Variants in SLC4A10 observed in about 807,000 individuals in gnomAD.
SLC4A10 encodes solute carrier family 4 member 10, also known as sodium-driven chloride bicarbonate exchanger.
SLC4A10 carries 42 observed loss-of-function variants against 137.7 expected under a neutral mutation model. The observed-to-expected ratio is 0.30, with a 90% CI of 0.24 to 0.39. The LOEUF is 0.39. Ranked by LOEUF, SLC4A10 falls within the 10% of genes least tolerant of loss-of-function variation. The probability of loss-of-function intolerance (pLI) is 1.00; values close to 1 mark genes in which losing one functional copy is unlikely to be tolerated. For missense variants in SLC4A10, 925 were observed against 1,355.0 expected, an observed-to-expected ratio of 0.68 and a Z score of 4.98; for synonymous variants, 474 against 464.1, an observed-to-expected ratio of 1.02 and a Z score of -0.27.
rs1210147439 is a variant in SLC4A10, at chr2:161,904,232, ATAGT to A, written c.1617+58_1617+61del. On this transcript the variant is annotated intron_variant, in intron 13 of 26. Transcript: ENST00000446997. ...GAAACATAATCCATTTTTAAGATTC[ATAGT>A]TAGATAAGTGAGCATTTAATTTTGG... 1.7e-5 allele frequency: 25 copies of A among 1,512,956 alleles called. No individual in the cohort carries two copies. In the South Asian group the frequency reaches 1.8e-4, roughly 11 times the overall value. The allele number at this position is 1,512,956 out of a possible 1,614,324, so 93.7% of individuals were successfully genotyped here.
intron 6 of SLC4A10, among the ~76,000 whole-genome samples, chr2:161,868,722 T>G (rs749464199): frequency 3.3e-5 from 5 of 151,650 alleles, no homozygotes; most frequent in Non-Finnish European, 5.9e-5. Context: ...ATTTAGTAAA[T>G]AGCAGAGGAG....
chr2:161,917,484 A>C (rs544093948), intron 15 of SLC4A10, among the ~76,000 whole-genome samples: 16 of 152,036 alleles, frequency 1.1e-4, no homozygotes, highest in African/African-American at 3.9e-4. Flanking sequence ...CTTTATAGGA[A>C]ACTGCCTTGA....
intron 1 of SLC4A10, among the ~76,000 whole-genome samples, chr2:161,644,445 C>G (rs2874856): frequency 0.88 from 133,095 of 152,052 alleles, 58,794 homozygotes; most frequent in East Asian, 1. Flanking sequence ...GTGATTGCCA[C>G]TGCACTCCAG....
At chr2:161,884,652 TG>T (rs2062086198) in intron 10 of SLC4A10, among the ~76,000 whole-genome samples, 1 of 152,134 alleles carries the variant, frequency 6.6e-6, no homozygotes, top group Non-Finnish European at 1.5e-5. Context: ...TTTCAGAGCA[TG>T]GCTTTAGGTA....
intron 9 of SLC4A10, 74 bp downstream of exon 9, chr2:161,879,362 T>A: frequency 7.1e-7 from 1 of 1,412,320 alleles, no homozygotes; most frequent in Non-Finnish European, 9.5e-7. Flanking sequence ...GGATTCAATG[T>A]AATTTTCTGT....
intron 9 of SLC4A10, among the ~76,000 whole-genome samples, chr2:161,880,915 C>T (rs1020887144): frequency 3.3e-5 from 5 of 151,878 alleles, no homozygotes; most frequent in South Asian, 2.1e-4. Context: ...AGAAAAAAGC[C>T]GTGATGGGGT....
intron 1 of SLC4A10, among the ~76,000 whole-genome samples, chr2:161,650,125 T>C (rs144803933): frequency 8.6e-4 from 131 of 152,332 alleles, no homozygotes; most frequent in African/African-American, 2.8e-3. Flanking sequence ...AGTAGTCATA[T>C]CTCCTTAGTC....
chr2:161,900,881 C>A (rs1428502322), intron 11 of SLC4A10, 30 bp from the exon 12 acceptor site: 9 of 1,453,130 alleles, frequency 6.2e-6, no homozygotes, highest in Non-Finnish European at 8.3e-6. Flanking sequence ...TAAAACAAAA[C>A]AAAACACATG....
At chr2:161,907,590 G>A (rs948143563) in intron 15 of SLC4A10, among the ~76,000 whole-genome samples, 3 of 152,192 alleles carry the variant, frequency 2.0e-5, no homozygotes, top group Non-Finnish European at 4.4e-5. Context: ...GGTACAGAAT[G>A]CTATAGCAGC....
chr2:161,648,855 T>C (rs867912212), intron 1 of SLC4A10, among the ~76,000 whole-genome samples: 3 of 152,230 alleles, frequency 2.0e-5, no homozygotes, highest in Non-Finnish European at 2.9e-5. Flanking sequence ...ACTATTTCTC[T>C]ATTGATGGGC....
chr2:161,661,046 G>T (rs1482305438), intron 1 of SLC4A10, among the ~76,000 whole-genome samples: 1 of 152,010 alleles, frequency 6.6e-6, no homozygotes, highest in Non-Finnish European at 1.5e-5. Context: ...ATCACATATT[G>T]TCCATTTAAA....
intron 12 of SLC4A10, chr2:161,901,972 T>G: frequency 2.2e-6 from 1 of 454,902 alleles, no homozygotes; most frequent in South Asian, 1.6e-5. Context: ...ACATGCCACA[T>G]AGCTTAGATT....
chr2:161,864,464 CTTTA>C (rs1326433315), intron 6 of SLC4A10, among the ~76,000 whole-genome samples: 15 of 152,166 alleles, frequency 9.9e-5, no homozygotes, highest in Admixed American at 1.3e-4. Context: ...AGGGTAAATG[CTTTA>C]TTAAATAGAT....
intron 15 of SLC4A10, among the ~76,000 whole-genome samples, chr2:161,930,929 G>GTT (rs943089028): frequency 1.3e-5 from 2 of 149,622 alleles, no homozygotes; most frequent in African/African-American, 5.0e-5. Context: ...GTTTTGTTTT[G>GTT]TTTTGTTTTA....
At chr2:161,729,007 GA>G (rs957381092) in intron 1 of SLC4A10, among the ~76,000 whole-genome samples, 12 of 148,144 alleles carry the variant, frequency 8.1e-5, no homozygotes, top group East Asian at 2.0e-4. Context: ...ATTCATTCTA[GA>G]AAAAAAAAAT....
At chr2:161,851,073 CA>C (rs2059804584) in intron 4 of SLC4A10, among the ~76,000 whole-genome samples, 1 of 152,064 alleles carries the variant, frequency 6.6e-6, no homozygotes. Flanking sequence ...GTTCTGAGAG[CA>C]TGTTTGGTAT....
intron 4 of SLC4A10, among the ~76,000 whole-genome samples, chr2:161,843,468 C>A (rs563011636): frequency 6.6e-6 from 1 of 152,200 alleles, no homozygotes; most frequent in East Asian, 1.9e-4. Flanking sequence ...CATGCTATAG[C>A]TGTTTGAGCT....
intron 1 of SLC4A10, among the ~76,000 whole-genome samples, chr2:161,725,050 T>C (rs1008206214): frequency 4.6e-5 from 7 of 152,168 alleles, no homozygotes; most frequent in Admixed American, 1.3e-4. Context: ...AAATTTTTTG[T>C]TGAATAAGAA....
At chr2:161,769,915 C>A (rs984674742) in intron 1 of SLC4A10, among the ~76,000 whole-genome samples, 1 of 150,950 alleles carries the variant, frequency 6.6e-6, no homozygotes, top group Non-Finnish European at 1.5e-5. Context: ...AAAGGCAGGT[C>A]CCCAATGTCT....
Sources: allele counts gnomAD v4.1 joint callset (sites outside exome capture counted in the v4.1 genomes callset), GRCh38; gene constraint gnomAD v4.1.1; transcripts MANE v1.5; gene names NCBI Gene and HGNC (gene_info 2026-07-23, HGNC 2026-07-21).